ENOX2: variants seen among roughly 807,000 people sequenced by gnomAD.
ENOX2 encodes APK1 antigen.
A neutral mutation model predicts 45.0 loss-of-function variants in ENOX2; 36 were observed. The ratio of observed to expected loss-of-function variants is 0.80; its 90% CI spans 0.61 to 1.06. The LOEUF (loss-of-function observed/expected upper bound fraction) is 1.06, where lower values mean the gene tolerates loss of function less well. ENOX2 is among the 50% of genes least tolerant of loss of function. The pLI is 0.00. For synonymous variants in ENOX2, 174 were observed against 152.3 expected, an observed-to-expected ratio of 1.14 and a Z score of -1.05; for missense variants, 423 against 462.5, an observed-to-expected ratio of 0.91 and a Z score of 0.78.
intron 3 of ENOX2, among the ~76,000 whole-genome samples, chrX:130,722,862 C>T (rs1460492784): frequency 8.9e-6 from 1 of 112,318 alleles, no homozygotes; most frequent in Non-Finnish European, 1.9e-5. Context: ...AGATAAGGGG[C>T]TACACTTGGT....
At chrX:130,810,677 C>G (rs1037899741) in intron 2 of ENOX2, among the ~76,000 whole-genome samples, 2 of 112,564 alleles carry the variant, frequency 1.8e-5, no homozygotes, top group African/African-American at 6.5e-5. Flanking sequence ...CTGCCCAGTG[C>G]CAGGCCAAGT....
chrX:130,849,698 T>C (rs2078174167), intron 2 of ENOX2, among the ~76,000 whole-genome samples: 2 of 112,359 alleles, frequency 1.8e-5, no homozygotes, highest in African/African-American at 6.5e-5. Flanking sequence ...ATTTAGGTTT[T>C]AGTTCTAAGA....
At chrX:130,901,463 T>C (rs774244141) in intron 2 of ENOX2, among the ~76,000 whole-genome samples, 3 of 112,814 alleles carry the variant, frequency 2.7e-5, no homozygotes, top group Non-Finnish European at 5.6e-5. Flanking sequence ...ACTAGGACAT[T>C]ATGTGGGTTC....
At chrX:130,868,683 A>G (rs2078526492) in intron 2 of ENOX2, among the ~76,000 whole-genome samples, 1 of 111,827 alleles carries the variant, frequency 8.9e-6, no homozygotes, top group Non-Finnish European at 1.9e-5. Context: ...AAATGGTTTC[A>G]GCTACCACCT....
At chrX:130,812,613 T>C (rs1346449011) in intron 2 of ENOX2, among the ~76,000 whole-genome samples, 1 of 112,125 alleles carries the variant, frequency 8.9e-6, no homozygotes, top group Non-Finnish European at 1.9e-5. Flanking sequence ...AGTTAATTCT[T>C]ACTTATCAAT....
chrX:130,745,081 C>A (rs2039070584), intron 3 of ENOX2, among the ~76,000 whole-genome samples: 1 of 111,577 alleles, frequency 9.0e-6, no homozygotes, highest in Non-Finnish European at 1.9e-5. Context: ...AAACCGGTCC[C>A]TGGTGCCAAA....
chrX:130,778,689 T>C (rs181641584), intron 3 of ENOX2, among the ~76,000 whole-genome samples: 71 of 112,514 alleles, frequency 6.3e-4, no homozygotes, highest in Middle Eastern at 4.6e-3. Flanking sequence ...TCTTGAACTT[T>C]TGTGATTAAA....
intron 2 of ENOX2, among the ~76,000 whole-genome samples, chrX:130,889,681 T>G (rs1409403733): frequency 8.9e-6 from 1 of 111,811 alleles, no homozygotes; most frequent in African/African-American, 3.3e-5. Flanking sequence ...ATCCAAAGTC[T>G]CACCTACTAT....
chrX:130,840,359 T>C (rs2077993884), intron 2 of ENOX2, among the ~76,000 whole-genome samples: 2 of 109,902 alleles, frequency 1.8e-5, no homozygotes, highest in Non-Finnish European at 3.8e-5. Context: ...AAAAATACTG[T>C]TGAAATTAAA....
chrX:130,889,654 A>T (rs1041729817), intron 2 of ENOX2, among the ~76,000 whole-genome samples: 4 of 111,887 alleles, frequency 3.6e-5, no homozygotes, highest in African/African-American at 1.3e-4. Flanking sequence ...CTAATCAGAA[A>T]CATACTTGCT....
intron 3 of ENOX2, among the ~76,000 whole-genome samples, chrX:130,761,315 G>A (rs769519887): frequency 9.0e-6 from 1 of 111,573 alleles, no homozygotes; most frequent in South Asian, 3.8e-4. Flanking sequence ...TTGATTTTGG[G>A]AGATTTTAAA....
At chrX:130,895,285 C>T (rs780271459) in intron 2 of ENOX2, among the ~76,000 whole-genome samples, 1 of 111,574 alleles carries the variant, frequency 9.0e-6, no homozygotes, top group African/African-American at 3.3e-5. Context: ...TGGTATGTGA[C>T]CAGAGTAATC....
At chrX:130,788,157 A>T (rs1450328491) in intron 2 of ENOX2, among the ~76,000 whole-genome samples, 1 of 112,340 alleles carries the variant, frequency 8.9e-6, no homozygotes, top group Admixed American at 9.4e-5. Flanking sequence ...GTCCCATTAA[A>T]ATGATTAAAT....
At chrX:130,695,465 C>T (rs936965383) in intron 4 of ENOX2, among the ~76,000 whole-genome samples, 1 of 110,690 alleles carries the variant, frequency 9.0e-6, no homozygotes, top group Admixed American at 9.6e-5. Flanking sequence ...AAAGGCTTTG[C>T]CTGCACTTAA....
At chrX:130,708,342 C>T (rs1466279163) in intron 3 of ENOX2, among the ~76,000 whole-genome samples, 1 of 111,656 alleles carries the variant, frequency 9.0e-6, no homozygotes, top group African/African-American at 3.3e-5. Flanking sequence ...ACCAAGCATA[C>T]ACATGAATTA....
At chrX:130,655,859 C>G (rs1020831270) in intron 10 of ENOX2, among the ~76,000 whole-genome samples, 1 of 112,071 alleles carries the variant, frequency 8.9e-6, no homozygotes, top group Non-Finnish European at 1.9e-5. Flanking sequence ...TGGTCTCGAA[C>G]TCCTGACCTC....
At chrX:130,812,849 C>T (rs1248406635) in intron 2 of ENOX2, among the ~76,000 whole-genome samples, 1 of 111,416 alleles carries the variant, frequency 9.0e-6, no homozygotes, top group Non-Finnish European at 1.9e-5. Context: ...AATAAAGCAT[C>T]CTGAGCAAAA....
chrX:130,692,644 G>A (rs2037639943), intron 4 of ENOX2, among the ~76,000 whole-genome samples: 1 of 104,789 alleles, frequency 9.5e-6, no homozygotes, highest in Non-Finnish European at 2.0e-5. Flanking sequence ...GGAGTGGTGC[G>A]ATCTCAGCTC....
chrX:130,830,941 G>T (rs1319673177), intron 2 of ENOX2, among the ~76,000 whole-genome samples: 1 of 111,753 alleles, frequency 8.9e-6, no homozygotes, highest in Non-Finnish European at 1.9e-5. Flanking sequence ...ATAAAGAAAA[G>T]AAGTTTATTT....
Sources: gnomAD v4.1 joint callset for allele counts (sites outside exome capture counted in the v4.1 genomes callset) on GRCh38, gnomAD v4.1.1 for gene constraint, MANE v1.5 for transcripts, NCBI Gene and HGNC (gene_info 2026-07-23, HGNC 2026-07-21) for gene names.